The following TUBA1A variants were observed in gnomAD, a reference collection of about 807,000 sequenced individuals.
The protein encoded by TUBA1A is tubulin alpha 1a.
TUBA1A carries 7 observed loss-of-function variants against 34.6 expected under a neutral mutation model. The ratio of observed to expected loss-of-function variants is 0.20; its 90% CI spans 0.11 to 0.38. The LOEUF is 0.38. Among genes scored for constraint, TUBA1A ranks in the 10% least tolerant of loss-of-function variants. The probability of loss-of-function intolerance (pLI) is 1.00; values close to 1 mark genes in which losing one functional copy is unlikely to be tolerated. For synonymous variants in TUBA1A, 193 were observed against 210.2 expected (o/e 0.92, Z 0.71); for missense variants, 19 against 581.3 (o/e 0.03, Z 9.95).
At position 49,188,969 on chromosome 12, in the gene TUBA1A, A is replaced by C; in HGVS notation, c.3+8T>G. The C allele has an allele frequency of 6.2e-7, 1 of 1,614,238 alleles. No individual in the cohort carries two copies. The highest frequency in any genetic ancestry group is 8.5e-7 in the Non-Finnish European group (1 of 1,180,044). On this transcript the variant is annotated splice_region_variant and intron_variant, in intron 1 of 3. Transcript: ENST00000301071. The surrounding 1 kb of genome is among the most constrained non-coding windows in gnomAD (Gnocchi z 4.9). ...CAACGGCCACAAAGAGCCGAAGCCGATTCTCACCATGGTTGCTGCTTCGCG... is the reference window on the plus strand; with the variant it reads ...CAACGGCCACAAAGAGCCGAAGCCGCTTCTCACCATGGTTGCTGCTTCGCG...
intron 1 of TUBA1A, chr12:49,187,497 A>T: frequency 1.0e-6 from 1 of 986,040 alleles, no homozygotes; most frequent in Non-Finnish European, 1.2e-6. Flanking sequence ...CCCGCCCGGG[A>T]CCATGTGCCT....
chr12:49,188,089 C>T lies in TUBA1A; in HGVS notation c.3+888G>A. On this transcript the variant is annotated intron_variant, in intron 1 of 3. Transcript: ENST00000301071. This position sits in a 1 kb window ranked among gnomAD's most constrained non-coding sequence, Gnocchi z 4.9. ...AGGGCGTCCCACAGACACACACACA[C>T]ACACACACACACACACACACACACT... The T allele has an allele frequency of 1.0e-6, 1 of 961,470 alleles. No homozygotes were observed. The highest frequency in any genetic ancestry group is 1.2e-6 in the Non-Finnish European group (1 of 809,244). 59.6% of individuals were successfully genotyped at this position (961,470 alleles called of 1,614,324 possible).
rs1345894136 is a variant in TUBA1A at position 49,184,980 on chromosome 12, T to TA, written c.*29dup. ...GTTTAAAACAGAATAAGCTTCCCTG[T>TA]AAAAGCAGCACCTTTGTGACGTTTT... On this transcript the variant is annotated 3_prime_UTR_variant, in exon 4 of 4. Coordinates refer to ENST00000301071, the MANE Select transcript of TUBA1A (RefSeq NM_006009.4). The TA allele has an allele frequency of 6.2e-7, 1 of 1,613,918 alleles. No homozygotes were observed. The highest frequency in any genetic ancestry group is 8.5e-7 in the Non-Finnish European group (1 of 1,179,892).
chr12:49,187,137 A>C, intron 1 of TUBA1A: 1 of 1,250,160 alleles, frequency 8.0e-7, no homozygotes, highest in Non-Finnish European at 1.0e-6. Flanking sequence ...CAAAGCACAA[A>C]TTTTGTAAAA....
chr12:49,185,642 G>C lies in TUBA1A; in HGVS notation c.724C>G (p.Leu242Val). The C allele has an allele frequency of 6.2e-7, 1 of 1,614,004 alleles. No homozygotes were observed. Among genetic ancestry groups the C allele is most frequent in the Non-Finnish European group, 8.5e-7 (1 of 1,179,922 alleles). The change falls in exon 4 of 4, where the codon CTG (leucine) becomes GTG (valine). Residue 242 changes from leucine to valine, a missense_variant. Around this residue, in one of 2 missense-constraint regions of TUBA1A, gnomAD observed 14 missense variants for 565.0 expected, o/e 0.02. Coordinates refer to ENST00000301071, the MANE Select transcript of TUBA1A (RefSeq NM_006009.4). ...GQIVSSITAS[L>V]RFDGALNVDL... ...ACATTCAGGGCTCCATCAAATCTCA[G>C]GGAAGCAGTGATGGAGGACACAATT...
At position 49,188,655 on chromosome 12, in the gene TUBA1A, G is replaced by C. The variant is rs559861728; in HGVS notation, c.3+322C>G. The C allele has an allele frequency of 6.0e-5, 86 of 1,436,164 alleles. No homozygotes were observed. In the South Asian group the frequency reaches 1.2e-3, roughly 21 times the overall value. 89.0% of individuals were successfully genotyped at this position (1,436,164 alleles called of 1,614,324 possible). ...GTGCGCACAGACACGGGGCCCAGCC[G>C]GGACGCCCCAGACCCCTCGGTCGCG... is the stretch of plus-strand genomic sequence containing the variant. On this transcript the variant is annotated intron_variant, in intron 1 of 3. Coordinates refer to ENST00000301071, the MANE Select transcript of TUBA1A (RefSeq NM_006009.4). The surrounding 1 kb of genome is among the most constrained non-coding windows in gnomAD (Gnocchi z 4.9).
rs766977640 is a variant in TUBA1A, at chr12:49,186,768, G to C, written c.69C>G (p.Leu23=). 2 of 1,614,202 alleles carry C rather than the reference G, an allele frequency of 1.2e-6. No homozygotes were observed. Among genetic ancestry groups the C allele is most frequent in the African/African-American group, 1.3e-5 (1 of 75,046 alleles). The change falls in exon 2 of 4, where the codon CTC becomes CTG. Residue 23 remains leucine, a synonymous_variant. Coordinates refer to ENST00000301071, the MANE Select transcript of TUBA1A (RefSeq NM_006009.4). The surrounding 1 kb of genome is among the most constrained non-coding windows in gnomAD (Gnocchi z 6.6). Reference sequence around the variant, plus strand: ...GCTGGATGCCGTGTTCCAGGCAGTAGAGCTCCCAGCAGGCATTGCCAATCT... The same window carrying C: ...GCTGGATGCCGTGTTCCAGGCAGTACAGCTCCCAGCAGGCATTGCCAATCT... ...GVQIGNACWE[L]YCLEHGIQPD...
In TUBA1A at chr12:49,188,394, C is replaced by CG; in HGVS notation, c.3+582dup. On this transcript the variant is annotated intron_variant, in intron 1 of 3. Transcript: ENST00000301071. This position sits in a 1 kb window ranked among gnomAD's most constrained non-coding sequence, Gnocchi z 4.9. ...CCTGCGCCGCCCTGACACCCGCTGC[C>CG]GGGGGCTCCGGCAGAAACTCACCAT... 6.5e-7 allele frequency: 1 copy of CG among 1,535,730 alleles called. No individual in the cohort carries two copies. Among genetic ancestry groups the CG allele is most frequent in the Non-Finnish European group, 8.7e-7 (1 of 1,146,726 alleles).
In TUBA1A at chr12:49,188,790, C is replaced by G. The variant is rs1016665315; in HGVS notation, c.3+187G>C. 56 of 1,587,132 alleles carry G rather than the reference C, an allele frequency of 3.5e-5. No homozygotes were observed. The highest frequency in any genetic ancestry group is 9.4e-5 in the African/African-American group (7 of 74,474). On this transcript the variant is annotated intron_variant, in intron 1 of 3. Transcript: ENST00000301071. The surrounding 1 kb of genome is among the most constrained non-coding windows in gnomAD (Gnocchi z 4.9). ...CTGCGCCCTGGGCGCAGTACTGGCC[C>G]GGTTCCTGCACCCGCACTGCGGCGG...
intron 1 of TUBA1A, 200 bp from the exon 2 acceptor site, chr12:49,187,033 C>G: frequency 2.1e-6 from 3 of 1,451,184 alleles, no homozygotes; most frequent in South Asian, 1.5e-5. Flanking sequence ...ATAATGATGT[C>G]GCCTTGGCCC....
intron 1 of TUBA1A, chr12:49,187,394 C>G: frequency 1.0e-6 from 1 of 998,164 alleles, no homozygotes; most frequent in South Asian, 4.3e-5. Context: ...CTAGCCTGTA[C>G]TGTCTGCTAC....
Position 49,188,073 on chromosome 12 carries a change from C to A in TUBA1A, c.3+904G>T, listed in dbSNP as rs1942204175. The A allele has an allele frequency of 8.8e-6, 8 of 911,818 alleles. No homozygotes were observed. The South Asian group carries it at 3.8e-4, about 43-fold the overall frequency. 56.5% of individuals were successfully genotyped at this position (911,818 alleles called of 1,614,324 possible). On this transcript the variant is annotated intron_variant, in intron 1 of 3. Transcript: ENST00000301071. The surrounding 1 kb of genome is among the most constrained non-coding windows in gnomAD (Gnocchi z 4.9). ...TTCAGTCGGTCAGGGCAGGGCGTCC[C>A]ACAGACACACACACACACACACACA...
At position 49,188,003 on chromosome 12, in the gene TUBA1A, G is replaced by A; in HGVS notation, c.3+974C>T. On this transcript the variant is annotated intron_variant, in intron 1 of 3. Coordinates refer to ENST00000301071, the MANE Select transcript of TUBA1A (RefSeq NM_006009.4). The surrounding 1 kb of genome is among the most constrained non-coding windows in gnomAD (Gnocchi z 4.9). Reference sequence around the variant, plus strand: ...GTGGGCTTTCTCCCTCGCTGAACGTGCAGTCCAGACAGACAGACAGACACA... The same window carrying A: ...GTGGGCTTTCTCCCTCGCTGAACGTACAGTCCAGACAGACAGACAGACACA... 2 of 979,284 alleles carry A rather than the reference G, an allele frequency of 2.0e-6. No homozygotes were observed. The highest frequency in any genetic ancestry group is 4.7e-5 in the South Asian group (1 of 21,108). The allele number at this position is 979,284 out of a possible 1,614,324, so 60.7% of individuals were successfully genotyped here. A position where few individuals can be genotyped will look rare whatever the true frequency, so the allele number is the denominator to read the frequency against.
At chr12:49,187,743 G>A in intron 1 of TUBA1A, 2 of 983,336 alleles carry the variant, frequency 2.0e-6, no homozygotes, top group Non-Finnish European at 2.4e-6. Flanking sequence ...AAAGCCCAGT[G>A]GAAGGATAAT....
chr12:49,188,215 T>C lies in TUBA1A; in HGVS notation c.3+762A>G. 4 of 984,980 alleles carry C rather than the reference T, an allele frequency of 4.1e-6. No homozygotes were observed. The highest frequency in any genetic ancestry group is 4.8e-6 in the Non-Finnish European group (4 of 829,806). The allele number at this position is 984,980 out of a possible 1,614,324, so 61.0% of individuals were successfully genotyped here. A position where few individuals can be genotyped will look rare whatever the true frequency, so the allele number is the denominator to read the frequency against. ...AAAAAAAAAGTCATCTAACTTATAA[T>C]AGTGAAGAAAACCCTTTTGGAGCCT... On this transcript the variant is annotated intron_variant, in intron 1 of 3. Coordinates refer to ENST00000301071, the MANE Select transcript of TUBA1A (RefSeq NM_006009.4). This position sits in a 1 kb window ranked among gnomAD's most constrained non-coding sequence, Gnocchi z 4.9.
In TUBA1A at chr12:49,188,015, G is replaced by GACACACACACAC. The variant is rs1189965021; in HGVS notation, c.3+961_3+962insGTGTGTGTGTGT. 1.0e-6 allele frequency: 1 copy of GACACACACACAC among 970,118 alleles called. No homozygotes were observed. Among genetic ancestry groups the GACACACACACAC allele is most frequent in the African/African-American group, 2.1e-5 (1 of 46,916 alleles). The allele number at this position is 970,118 out of a possible 1,614,324, so 60.1% of individuals were successfully genotyped here. A position where few individuals can be genotyped will look rare whatever the true frequency, so the allele number is the denominator to read the frequency against. ...CCTCGCTGAACGTGCAGTCCAGACA[G>GACACACACACAC]ACAGACAGACACACACACACACACA... On this transcript the variant is annotated intron_variant, in intron 1 of 3. Transcript: ENST00000301071. The surrounding 1 kb of genome is among the most constrained non-coding windows in gnomAD (Gnocchi z 4.9).
In TUBA1A at chr12:49,188,724, C is replaced by T. The variant is rs1445322029; in HGVS notation, c.3+253G>A. The T allele has an allele frequency of 2.1e-6, 3 of 1,449,040 alleles. No individual in the cohort carries two copies. The highest frequency in any genetic ancestry group is 2.9e-5 in the South Asian group (2 of 68,870). The allele number at this position is 1,449,040 out of a possible 1,614,324, so 89.8% of individuals were successfully genotyped here. ...GCCCCCGAAAGTCTCTCGGATAACA[C>T]AGGCGCCTAGGCGCCGCCTTTGTTC... On this transcript the variant is annotated intron_variant, in intron 1 of 3. Coordinates refer to ENST00000301071, the MANE Select transcript of TUBA1A (RefSeq NM_006009.4). The surrounding 1 kb of genome is among the most constrained non-coding windows in gnomAD (Gnocchi z 4.9).
Position 49,188,779 on chromosome 12 carries a change from C to T in TUBA1A, c.3+198G>A. The T allele has an allele frequency of 6.4e-7, 1 of 1,564,490 alleles. No individual in the cohort carries two copies. Among genetic ancestry groups the T allele is most frequent in the Non-Finnish European group, 8.6e-7 (1 of 1,163,986 alleles). On this transcript the variant is annotated intron_variant, in intron 1 of 3. Transcript: ENST00000301071. This position sits in a 1 kb window ranked among gnomAD's most constrained non-coding sequence, Gnocchi z 4.9. ...CCAGCGCTCTGCTGCGCCCTGGGCG[C>T]AGTACTGGCCCGGTTCCTGCACCCG...
In TUBA1A at chr12:49,188,758, C is replaced by G; in HGVS notation, c.3+219G>C. On this transcript the variant is annotated intron_variant, in intron 1 of 3. Transcript: ENST00000301071. This position sits in a 1 kb window ranked among gnomAD's most constrained non-coding sequence, Gnocchi z 4.9. ...AGGCGCCGCCTTTGTTCCTCCCCAG[C>G]GCTCTGCTGCGCCCTGGGCGCAGTA... is the stretch of plus-strand genomic sequence containing the variant. 1 of 1,500,448 alleles carries G rather than the reference C, an allele frequency of 6.7e-7. No homozygotes were observed. Among genetic ancestry groups the G allele is most frequent in the Non-Finnish European group, 8.8e-7 (1 of 1,135,932 alleles). 92.9% of individuals were successfully genotyped at this position (1,500,448 alleles called of 1,614,324 possible).
Sources: gnomAD v4.1 joint callset for allele counts on GRCh38, gnomAD v4.1.1 for gene constraint, gnomAD v4.1.1 regional missense constraint, Gnocchi (gnomAD v3.1) non-coding constraint, MANE v1.5 for transcripts, NCBI Gene and HGNC (gene_info 2026-07-23, HGNC 2026-07-21) for gene names.